The following DNAH11 variants were observed in gnomAD, a reference collection of about 807,000 sequenced individuals.
DNAH11 encodes dynein axonemal heavy chain 11, also known as axonemal beta dynein heavy chain 11.
In DNAH11, 442 loss-of-function variants were observed where a neutral mutation model predicts 526.0. The observed-to-expected ratio is 0.84, with a 90% confidence interval of 0.78 to 0.91. The LOEUF (loss-of-function observed/expected upper bound fraction) is 0.91. Ranked by LOEUF, DNAH11 falls within the 40% of genes least tolerant of loss-of-function variation. DNAH11 has a pLI of 0.00. For synonymous variants in DNAH11, 2,461 were observed against 1,935.9 expected, an observed-to-expected ratio of 1.27 and a Z score of -7.12; for missense variants, 6,989 against 5,448.7, an observed-to-expected ratio of 1.28 and a Z score of -8.90.
Position 21,738,688 on chromosome 7 carries a change from A to G in DNAH11, c.7646-13A>G, listed in dbSNP as rs762422818. 3 of 1,555,744 alleles carry G rather than the reference A, an allele frequency of 1.9e-6. No individual in the cohort carries two copies. Among genetic ancestry groups the G allele is most frequent in the Non-Finnish European group, 2.6e-6 (3 of 1,151,272 alleles). ...TCTGTTGATGGGTGGACAGAAATAT[A>G]TGTTTATTTCAGAAATTCTTGAGAA... On this transcript the variant is annotated splice_polypyrimidine_tract_variant and intron_variant, in intron 46 of 81. Transcript: ENST00000409508.
At chr7:21,812,828 A>G (rs1175620179) in intron 63 of DNAH11, among the ~76,000 whole-genome samples, 5 of 152,154 alleles carry the variant, frequency 3.3e-5, no homozygotes, top group Non-Finnish European at 7.3e-5. Flanking sequence ...TTGATGCTGA[A>G]TCACTTGGGG....
chr7:21,676,544 T>C (rs1055202132), intron 30 of DNAH11, among the ~76,000 whole-genome samples: 5 of 152,226 alleles, frequency 3.3e-5, no homozygotes, highest in African/African-American at 1.2e-4. Context: ...TTAATCTTGA[T>C]ACACAGTATA....
intron 18 of DNAH11, among the ~76,000 whole-genome samples, chr7:21,604,544 G>A (rs2128448264): frequency 6.6e-6 from 1 of 152,190 alleles, no homozygotes; most frequent in Admixed American, 6.5e-5. Flanking sequence ...ATACCTCAAG[G>A]GATCTCACCC....
intron 45 of DNAH11, among the ~76,000 whole-genome samples, chr7:21,731,183 T>C (rs1785368748): frequency 6.6e-6 from 1 of 152,160 alleles, no homozygotes; most frequent in Non-Finnish European, 1.5e-5. Context: ...GTATGTTAAT[T>C]TGCTGGATTT....
intron 36 of DNAH11, among the ~76,000 whole-genome samples, chr7:21,701,310 G>C (rs1440322723): frequency 1.5e-5 from 2 of 137,254 alleles, no homozygotes; most frequent in African/African-American, 5.6e-5. Context: ...TTTTTTTTGA[G>C]ACAGTGCCTC....
rs1388484044 is a variant in DNAH11, at chr7:21,786,685, C to T, written c.9659C>T (p.Ala3220Val). 7 of 1,613,796 alleles carry T rather than the reference C, an allele frequency of 4.3e-6. No homozygotes were observed. The highest frequency in any genetic ancestry group is 5.9e-6 in the Non-Finnish European group (7 of 1,179,768). ...NPPIAVTNVT[A>V]AVMVLLAPRG... ...CCCATCGCAGTTACCAATGTTACTG[C>T]AGCCGTGATGGTCCTTCTGGCTCCT... The change falls in exon 59 of 82, where the codon GCA (alanine) becomes GTA (valine). Residue 3220 changes from alanine to valine, a missense_variant. Physicochemically the swap from Ala to Val is moderately conservative, Grantham distance 64. Coordinates refer to ENST00000409508, the MANE Select transcript of DNAH11 (RefSeq NM_001277115.2).
At chr7:21,554,375 A>C (rs970193306) in intron 2 of DNAH11, among the ~76,000 whole-genome samples, 8 of 152,044 alleles carry the variant, frequency 5.3e-5, no homozygotes, top group African/African-American at 1.9e-4. Context: ...AGGTTTTGCC[A>C]TGTTGGCTAG....
intron 36 of DNAH11, among the ~76,000 whole-genome samples, chr7:21,702,455 G>T (rs1784104218): frequency 6.6e-6 from 1 of 151,784 alleles, no homozygotes. Context: ...GGAGCCTTAG[G>T]CAAATACTGC....
chr7:21,693,320 C>T (rs1482530451), intron 35 of DNAH11, among the ~76,000 whole-genome samples: 1 of 152,186 alleles, frequency 6.6e-6, no homozygotes, highest in East Asian at 1.9e-4. Flanking sequence ...CAGGGATAAG[C>T]TCCGCTTGGT....
chr7:21,544,965 C>T, intron 1 of DNAH11, 41 bp from the exon 2 acceptor site: 2 of 1,505,912 alleles, frequency 1.3e-6, no homozygotes, highest in Non-Finnish European at 1.8e-6. Context: ...TGCTTGTTAA[C>T]AAGAAAACTA....
At chr7:21,839,500 A>C (rs2128014452) in intron 65 of DNAH11, among the ~76,000 whole-genome samples, 1 of 151,572 alleles carries the variant, frequency 6.6e-6, no homozygotes, top group East Asian at 2.0e-4. Flanking sequence ...GCGTGAACCC[A>C]GGAGGCAGAG....
intron 40 of DNAH11, 104 bp downstream of exon 40, chr7:21,707,939 T>C: frequency 8.1e-6 from 10 of 1,241,570 alleles, no homozygotes; most frequent in Non-Finnish European, 9.8e-6. Context: ...ACTGTTTATG[T>C]GTTGGCATTA....
chr7:21,765,912 A>T (rs112813131), intron 55 of DNAH11, among the ~76,000 whole-genome samples: 2 of 152,270 alleles, frequency 1.3e-5, no homozygotes, highest in Non-Finnish European at 2.9e-5. Context: ...TCCTTGAATC[A>T]TAATGGGGCT....
intron 35 of DNAH11, among the ~76,000 whole-genome samples, chr7:21,695,945 A>G (rs1205698361): frequency 6.6e-6 from 1 of 152,196 alleles, no homozygotes; most frequent in Non-Finnish European, 1.5e-5. Flanking sequence ...CACTTCTCAA[A>G]AGAAGACATT....
chr7:21,827,193 A>G (rs1466412211), intron 65 of DNAH11, among the ~76,000 whole-genome samples: 1 of 152,232 alleles, frequency 6.6e-6, no homozygotes, highest in East Asian at 1.9e-4. Flanking sequence ...CAGGCCGACA[A>G]CAGCTGGGTA....
At chr7:21,653,353 T>C (rs1464209615) in intron 28 of DNAH11, among the ~76,000 whole-genome samples, 1 of 152,176 alleles carries the variant, frequency 6.6e-6, no homozygotes, top group Non-Finnish European at 1.5e-5. Context: ...AAAGTTTAAA[T>C]AGAAGACAGT....
intron 71 of DNAH11, among the ~76,000 whole-genome samples, chr7:21,867,289 C>G (rs1783317442): frequency 6.6e-6 from 1 of 152,190 alleles, no homozygotes; most frequent in South Asian, 2.1e-4. Context: ...ATTCATGTGC[C>G]TCAGGTTTTT....
chr7:21,608,153 G>T (rs4722039), intron 20 of DNAH11, among the ~76,000 whole-genome samples: 2,936 of 151,188 alleles, frequency 0.019, 45 homozygotes, highest in Middle Eastern at 0.041. Flanking sequence ...TCTTAACCCT[G>T]GACATGAAGA....
chr7:21,655,909 C>A lies in DNAH11; in HGVS notation c.5022C>A (p.His1674Gln), dbSNP rs1291068576. 1.2e-6 allele frequency: 2 copies of A among 1,613,194 alleles called. No homozygotes were observed. Among genetic ancestry groups the A allele is most frequent in the African/African-American group, 2.7e-5 (2 of 74,880 alleles). ...QFEDNQDVSA[H>Q]RAVGMYSKEK... ...AAGACAATCAGGATGTTTCTGCACA[C>A]AGGGCAGTTGGAATGTACAGCAAAG... Residue 1674 changes from histidine to glutamine, a missense_variant, in exon 29 of 82, where the codon CAC becomes CAA. Transcript: ENST00000409508.
Sources: allele counts gnomAD v4.1 joint callset (sites outside exome capture counted in the v4.1 genomes callset), GRCh38; gene constraint gnomAD v4.1.1; transcripts MANE v1.5; gene names NCBI Gene and HGNC (gene_info 2026-07-23, HGNC 2026-07-21).